GLIS1: variants seen among roughly 807,000 people sequenced by gnomAD.
GLIS1 encodes the protein GLIS family zinc finger 1, also known as zinc finger protein GLIS1.
A neutral mutation model predicts 63.8 loss-of-function variants in GLIS1; 24 were observed. The observed-to-expected ratio is 0.38, with a 90% confidence interval of 0.27 to 0.53. GLIS1 has a LOEUF of 0.53. Ranked by LOEUF, GLIS1 falls within the 20% of genes least tolerant of loss-of-function variation. The pLI is 0.85. For missense variants in GLIS1, 1,036 were observed against 1,074.1 expected, an observed-to-expected ratio of 0.96 and a Z score of 0.50; for synonymous variants, 450 against 482.5, an observed-to-expected ratio of 0.93 and a Z score of 0.88.
At position 53,506,528 on chromosome 1, in the gene GLIS1, C is replaced by T; in HGVS notation, c.*91G>A. On this transcript the variant is annotated 3_prime_UTR_variant, in exon 11 of 11. Coordinates refer to ENST00000628545, the MANE Select transcript of GLIS1 (RefSeq NM_001367484.1). ...TGGCTGTTCCGGCTGTGGCCTGGCA[C>T]TCCTGCTAGGTGCACGGAGGGTGGG... 3 of 1,376,720 alleles carry T rather than the reference C, an allele frequency of 2.2e-6. No homozygotes were observed. Among genetic ancestry groups the T allele is most frequent in the Non-Finnish European group, 3.0e-6 (3 of 986,554 alleles). 85.3% of individuals were successfully genotyped at this position (1,376,720 alleles called of 1,614,324 possible).
At chr1:53,597,905 C>G (rs965101048) in intron 3 of GLIS1, among the ~76,000 whole-genome samples, 4 of 101,854 alleles carry the variant, frequency 3.9e-5, no homozygotes, top group African/African-American at 1.0e-4. Flanking sequence ...CTATCTCTAG[C>G]AAAAGAAAAA....
Position 53,633,256 on chromosome 1 carries a change from AAT to A in GLIS1, c.260-32980_260-32979del, listed in dbSNP as rs543950618. On this transcript the variant is annotated intron_variant, in intron 2 of 10. Coordinates refer to ENST00000628545, the MANE Select transcript of GLIS1 (RefSeq NM_001367484.1). Reference sequence around the variant, plus strand: ...GGAGGGGCGTGTGAAGGGGCGTGTGAATATGTGACTGAGGGGTGTGAATGAGT... The same window carrying A: ...GGAGGGGCGTGTGAAGGGGCGTGTGAATGTGACTGAGGGGTGTGAATGAGT... 5.5e-3 allele frequency among the ~76,000 whole-genome samples: 641 copies of A among 116,324 alleles called. 3 individuals carry two copies. The highest frequency in any genetic ancestry group is 0.027 in the Middle Eastern group (3 of 110). 76.3% of individuals were successfully genotyped at this position (116,324 alleles called of 152,430 possible).
rs540137144 is a variant in GLIS1 at position 53,691,260 on chromosome 1, G to A, written c.259+46546C>T. ...GTGTCCCTCCAGCTGTACCCACAGT[G>A]GGAGCTTCAGTGCCCAGGCCCAGCC... On this transcript the variant is annotated intron_variant, in intron 2 of 10. Coordinates refer to ENST00000628545, the MANE Select transcript of GLIS1 (RefSeq NM_001367484.1). 1.4e-3 allele frequency among the ~76,000 whole-genome samples: 218 copies of A among 152,238 alleles called. 1 individual carries two copies. The highest frequency in any genetic ancestry group is 5.1e-3 in the African/African-American group (210 of 41,520).
chr1:53,673,168 C>T (rs1646173533), intron 2 of GLIS1, among the ~76,000 whole-genome samples: 1 of 152,216 alleles, frequency 6.6e-6, no homozygotes, highest in Non-Finnish European at 1.5e-5. Flanking sequence ...TCAGTTTAGG[C>T]TCATAAGTGT....
intron 4 of GLIS1, among the ~76,000 whole-genome samples, chr1:53,554,001 C>A (rs2100412002): frequency 6.6e-6 from 1 of 152,280 alleles, no homozygotes; most frequent in South Asian, 2.1e-4. Flanking sequence ...CCTCAACAGC[C>A]TCCTGGGTGT....
intron 2 of GLIS1, among the ~76,000 whole-genome samples, chr1:53,629,702 C>T (rs1265362519): frequency 6.6e-6 from 1 of 152,206 alleles, no homozygotes; most frequent in African/African-American, 2.4e-5. Flanking sequence ...CTGCAAGAGG[C>T]CTGACCTTCC....
At chr1:53,563,874 T>C (rs1226087861) in intron 4 of GLIS1, among the ~76,000 whole-genome samples, 2 of 152,166 alleles carry the variant, frequency 1.3e-5, no homozygotes, top group Non-Finnish European at 2.9e-5. Flanking sequence ...CAAAATCCAT[T>C]GCCAGAGGCA....
At chr1:53,676,667 G>A (rs773438071) in intron 2 of GLIS1, among the ~76,000 whole-genome samples, 1 of 152,084 alleles carries the variant, frequency 6.6e-6, no homozygotes, top group African/African-American at 2.4e-5. Context: ...GGCTGAAACA[G>A]GCAAGGCACA....
intron 2 of GLIS1, among the ~76,000 whole-genome samples, chr1:53,668,272 G>C (rs1240032963): frequency 6.6e-6 from 1 of 152,188 alleles, no homozygotes; most frequent in African/African-American, 2.4e-5. Flanking sequence ...GCTCCACATA[G>C]TAACATTTCA....
intron 3 of GLIS1, 136 bp downstream of exon 3, chr1:53,599,965 C>A (rs1322791516): frequency 1.4e-5 from 6 of 433,150 alleles, no homozygotes; most frequent in South Asian, 1.3e-4. Context: ...GGCCAGGTAG[C>A]TGCTTCTGAG....
At chr1:53,716,829 A>C (rs56087009) in intron 2 of GLIS1, among the ~76,000 whole-genome samples, 35,572 of 152,088 alleles carry the variant, frequency 0.23, 4,222 homozygotes, top group African/African-American at 0.28. Context: ...AAAAAAAGTC[A>C]AAGAACTAAT....
intron 2 of GLIS1, among the ~76,000 whole-genome samples, chr1:53,627,129 C>T (rs893082357): frequency 2.0e-5 from 3 of 152,160 alleles, no homozygotes; most frequent in African/African-American, 4.8e-5. Context: ...GCATGAATCT[C>T]GAACAAGGCA....
At chr1:53,619,496 C>T (rs1174971555) in intron 2 of GLIS1, among the ~76,000 whole-genome samples, 3 of 152,246 alleles carry the variant, frequency 2.0e-5, no homozygotes, top group Admixed American at 6.5e-5. Context: ...AACATTTCAT[C>T]TAAGCCTCTC....
chr1:53,520,695 G>C lies in GLIS1; in HGVS notation c.1665C>G (p.Ser555=). Residue 555 remains serine, a synonymous_variant, in exon 7 of 11, where the codon TCC becomes TCG. Transcript: ENST00000628545. ...TGCCGTCGCTGGCAGCCAGCTGTGT[G>C]GACGTGTGGAGCTGCTGCAGGACCA... The part of the protein sequence containing the change: ...ECLVLQQLHT[S]TQLAASDGKG... 1 of 1,608,224 alleles carries C rather than the reference G, an allele frequency of 6.2e-7. No homozygotes were observed. Among genetic ancestry groups the C allele is most frequent in the Non-Finnish European group, 8.5e-7 (1 of 1,178,022 alleles).
chr1:53,718,398 CAG>C (rs2100543454), intron 2 of GLIS1, among the ~76,000 whole-genome samples: 1 of 152,180 alleles, frequency 6.6e-6, no homozygotes, highest in Non-Finnish European at 1.5e-5. Context: ...AGGAATTTGA[CAG>C]ACTGATGGAG....
At chr1:53,570,410 C>T (rs746954190) in intron 4 of GLIS1, among the ~76,000 whole-genome samples, 104 of 152,272 alleles carry the variant, frequency 6.8e-4, no homozygotes, top group Non-Finnish European at 3.4e-4. Flanking sequence ...GTGTAAGCCA[C>T]TGCACCTGGC....
At chr1:53,510,077 G>A (rs1644283943) in intron 8 of GLIS1, 50 bp from the exon 9 acceptor site, 2 of 1,122,848 alleles carry the variant, frequency 1.8e-6, no homozygotes, top group African/African-American at 1.6e-5. Context: ...GGAGGGTGGG[G>A]GCCAGAGGCA....
At chr1:53,737,410 T>G (rs1190809997) in intron 2 of GLIS1, among the ~76,000 whole-genome samples, 1 of 152,250 alleles carries the variant, frequency 6.6e-6, no homozygotes, top group Non-Finnish European at 1.5e-5. Flanking sequence ...GCTAAAGGCC[T>G]CTGGGTTTTG....
intron 4 of GLIS1, among the ~76,000 whole-genome samples, chr1:53,543,380 G>A (rs564363199): frequency 6.6e-6 from 1 of 152,304 alleles, no homozygotes; most frequent in African/African-American, 2.4e-5. Flanking sequence ...GACAGAAGGT[G>A]CCACCGTAAT....
Sources: gnomAD v4.1 joint callset for allele counts (sites outside exome capture counted in the v4.1 genomes callset) on GRCh38, gnomAD v4.1.1 for gene constraint, MANE v1.5 for transcripts, NCBI Gene and HGNC (gene_info 2026-07-23, HGNC 2026-07-21) for gene names.